The following METTL24 variants were observed in gnomAD, a reference collection of about 807,000 sequenced individuals.
METTL24 encodes the protein probable methyltransferase-like protein 24.
A neutral mutation model predicts 32.7 loss-of-function variants in METTL24; 29 were observed. That is an observed-to-expected ratio of 0.89 (90% confidence interval 0.66 to 1.21). The LOEUF is 1.21. Ranked by LOEUF, METTL24 falls within the 50% of genes most tolerant of loss-of-function variation. The probability of loss-of-function intolerance (pLI) is 0.00; values close to 1 mark genes in which losing one functional copy is unlikely to be tolerated. For missense variants in METTL24, 439 were observed against 468.1 expected, an observed-to-expected ratio of 0.94 and a Z score of 0.57; for synonymous variants, 163 against 179.5, an observed-to-expected ratio of 0.91 and a Z score of 0.73.
In METTL24 at chr6:110,246,261, C is replaced by T; in HGVS notation, c.787-1G>A. 1 of 1,598,756 alleles carries T rather than the reference C, an allele frequency of 6.3e-7. No homozygotes were observed. Among genetic ancestry groups the T allele is most frequent in the African/African-American group, 1.3e-5 (1 of 74,542 alleles). ...CCAGATCTGCCTTGAGAACGTCAAT[C>T]TGTAACAAAGCAATGAAATGAGATT... is the stretch of plus-strand genomic sequence containing the variant. On this transcript the variant is annotated splice_acceptor_variant, in intron 4 of 4. Transcript: ENST00000338882. LOFTEE classifies it high-confidence loss of function.
At chr6:110,330,110 A>G (rs2114760845) in intron 1 of METTL24, among the ~76,000 whole-genome samples, 1 of 152,350 alleles carries the variant, frequency 6.6e-6, no homozygotes, top group East Asian at 1.9e-4. Flanking sequence ...AGGCTCCAGG[A>G]GGCGGGGCGT....
At chr6:110,302,139 G>T (rs560544766) in intron 3 of METTL24, among the ~76,000 whole-genome samples, 1 of 151,904 alleles carries the variant, frequency 6.6e-6, no homozygotes, top group Non-Finnish European at 1.5e-5. Context: ...TTAGCCAGGC[G>T]TGGTGGTGGG....
intron 1 of METTL24, among the ~76,000 whole-genome samples, chr6:110,357,182 C>A (rs1375086094): frequency 6.6e-6 from 1 of 152,060 alleles, no homozygotes; most frequent in Non-Finnish European, 1.5e-5. Flanking sequence ...TTTCCATGTA[C>A]GACGCAAATT....
At chr6:110,298,819 C>T in intron 4 of METTL24, 103 bp downstream of exon 4, 1 of 958,348 alleles carries the variant, frequency 1.0e-6, no homozygotes, top group East Asian at 2.6e-5. Context: ...AAAATCGGAC[C>T]TTCAGCTATC....
intron 4 of METTL24, among the ~76,000 whole-genome samples, chr6:110,297,408 GA>G (rs1185074557): frequency 6.6e-6 from 1 of 152,020 alleles, no homozygotes; most frequent in South Asian, 2.1e-4. Flanking sequence ...TATTATTGGG[GA>G]AAAAAATAAG....
chr6:110,333,927 A>G (rs1772158975), intron 1 of METTL24, among the ~76,000 whole-genome samples: 1 of 152,076 alleles, frequency 6.6e-6, no homozygotes. Context: ...TCCACTCTCT[A>G]CATGTTGTCA....
intron 4 of METTL24, among the ~76,000 whole-genome samples, chr6:110,247,225 A>G (rs916626393): frequency 1.3e-5 from 2 of 152,164 alleles, no homozygotes; most frequent in African/African-American, 2.4e-5. Flanking sequence ...AATCCTCTCA[A>G]TAATGCTGTA....
intron 3 of METTL24, among the ~76,000 whole-genome samples, chr6:110,311,464 C>CTTTT (rs1344647082): frequency 1.6e-5 from 2 of 123,702 alleles, no homozygotes; most frequent in African/African-American, 3.4e-5. Flanking sequence ...TCTTTTCTTT[C>CTTTT]TTTGTTTTTT....
At chr6:110,293,937 C>T (rs181006725) in intron 4 of METTL24, among the ~76,000 whole-genome samples, 41 of 151,286 alleles carry the variant, frequency 2.7e-4, no homozygotes, top group African/African-American at 9.7e-4. Context: ...TATTTTTCCC[C>T]GACTTTAATA....
chr6:110,253,752 C>T (rs1254646754), intron 4 of METTL24: 6 of 629,068 alleles, frequency 9.5e-6, no homozygotes, highest in South Asian at 6.4e-5. Flanking sequence ...TTCTAACACA[C>T]GAGCATAACT....
intron 4 of METTL24, among the ~76,000 whole-genome samples, chr6:110,262,416 A>C (rs1185617428): frequency 6.6e-6 from 1 of 152,140 alleles, no homozygotes; most frequent in African/African-American, 2.4e-5. Flanking sequence ...GACTAAACCA[A>C]GAAGAAATTG....
chr6:110,302,454 T>C (rs188927224), intron 3 of METTL24, among the ~76,000 whole-genome samples: 1,178 of 79,638 alleles, frequency 0.015, 13 homozygotes, highest in East Asian at 0.027. Flanking sequence ...TATACACATA[T>C]ACACACATAT....
chr6:110,307,692 G>A (rs141895080), intron 3 of METTL24, among the ~76,000 whole-genome samples: 231 of 152,260 alleles, frequency 1.5e-3, no homozygotes, highest in African/African-American at 5.2e-3. Flanking sequence ...GTGGCCATGC[G>A]CCCTGCTAAT....
chr6:110,293,559 T>C (rs1168806974), intron 4 of METTL24, among the ~76,000 whole-genome samples: 1 of 151,972 alleles, frequency 6.6e-6, no homozygotes, highest in Non-Finnish European at 1.5e-5. Context: ...AATAATAAAA[T>C]TTTTACCTCT....
intron 1 of METTL24, among the ~76,000 whole-genome samples, chr6:110,325,866 G>A (rs1364271815): frequency 6.6e-6 from 1 of 152,182 alleles, no homozygotes; most frequent in East Asian, 1.9e-4. Context: ...CACTGCAAAT[G>A]GTGCAAACTT....
chr6:110,321,458 T>C (rs714693), intron 2 of METTL24, among the ~76,000 whole-genome samples: 22,612 of 152,150 alleles, frequency 0.15, 2,060 homozygotes, highest in South Asian at 0.24. Flanking sequence ...AGCCCATAGT[T>C]CTCAAATCCG....
chr6:110,352,252 A>G (rs1381392192), intron 1 of METTL24, among the ~76,000 whole-genome samples: 4 of 152,210 alleles, frequency 2.6e-5, no homozygotes, highest in Non-Finnish European at 4.4e-5. Flanking sequence ...GTCACTTTTT[A>G]GGAAAATAAT....
At position 110,245,876 on chromosome 6, in the gene METTL24, T is replaced by G; in HGVS notation, c.*70A>C. 5 of 1,451,940 alleles carry G rather than the reference T, an allele frequency of 3.4e-6. No individual in the cohort carries two copies. In the South Asian group the frequency reaches 6.5e-5, roughly 19 times the overall value. 89.9% of individuals were successfully genotyped at this position (1,451,940 alleles called of 1,614,324 possible). A position where few individuals can be genotyped will look rare whatever the true frequency, so the allele number is the denominator to read the frequency against. Reference sequence around the variant, plus strand: ...CTAGCAGGAGACTGGATGAGTAAACTCATGATTAGAATTATGGACATGCTG... The same window carrying G: ...CTAGCAGGAGACTGGATGAGTAAACGCATGATTAGAATTATGGACATGCTG... On this transcript the variant is annotated 3_prime_UTR_variant, in exon 5 of 5. Coordinates refer to ENST00000338882, the MANE Select transcript of METTL24 (RefSeq NM_001123364.3).
At chr6:110,329,220 T>TGCTGG (rs1178478659) in intron 1 of METTL24, among the ~76,000 whole-genome samples, 1 of 152,194 alleles carries the variant, frequency 6.6e-6, no homozygotes, top group Admixed American at 6.5e-5. Flanking sequence ...AGCAGTTTTC[T>TGCTGG]GCTGGGAAAG....
Sources: allele counts gnomAD v4.1 joint callset (sites outside exome capture counted in the v4.1 genomes callset), GRCh38; gene constraint gnomAD v4.1.1; transcripts MANE v1.5; gene names NCBI Gene and HGNC (gene_info 2026-07-23, HGNC 2026-07-21).